CACNA2D1: variants seen among roughly 807,000 people sequenced by gnomAD.
The protein encoded by CACNA2D1 is voltage-dependent calcium channel subunit alpha-2/delta-1.
Under a neutral mutation model 171.5 loss-of-function variants are expected in CACNA2D1, and 53 were observed. The observed-to-expected ratio is 0.31, with a 90% confidence interval of 0.25 to 0.39. CACNA2D1 has a LOEUF of 0.39. CACNA2D1 is among the 10% of genes least tolerant of loss of function. The pLI, the probability that CACNA2D1 is intolerant of heterozygous loss-of-function variation, is 1.00. For synonymous variants in CACNA2D1, 442 were observed against 443.1 expected (o/e 1.00, Z 0.03); for missense variants, 903 against 1,299.8 (o/e 0.69, Z 4.69).
chr7:82,016,590 C>A, intron 12 of CACNA2D1, among the ~76,000 whole-genome samples: 3 of 134,460 alleles, frequency 2.2e-5, no homozygotes, highest in Admixed American at 7.9e-5. Context: ...TCAAATAGTC[C>A]AAATAAACAC....
chr7:82,308,642 A>G (rs1216786803), intron 3 of CACNA2D1, among the ~76,000 whole-genome samples: 1 of 152,230 alleles, frequency 6.6e-6, no homozygotes, highest in Non-Finnish European at 1.5e-5. Context: ...TTTGTAAGGG[A>G]ATCTCCCTCT....
intron 1 of CACNA2D1, among the ~76,000 whole-genome samples, chr7:82,400,370 T>C (rs1826244735): frequency 6.6e-6 from 1 of 152,036 alleles, no homozygotes; most frequent in Admixed American, 6.6e-5. Context: ...TATCCTCTTT[T>C]ATTTCCTTGA....
intron 3 of CACNA2D1, among the ~76,000 whole-genome samples, chr7:82,273,540 T>C (rs1223997055): frequency 6.6e-6 from 1 of 152,098 alleles, no homozygotes; most frequent in African/African-American, 2.4e-5. Context: ...GCTGTAGCTA[T>C]TCACAGATGT....
rs981732048 is a variant in CACNA2D1 at position 81,962,589 on chromosome 7, T to C, written c.2781-94A>G. On this transcript the variant is annotated intron_variant, in intron 34 of 38. Transcript: ENST00000356860. ...CATAAATACTGTTTCCCTTTATCTT[T>C]TTGGGAAAGAAAGTCTTGGAGTGTT... 3 of 773,558 alleles carry C rather than the reference T, an allele frequency of 3.9e-6. No homozygotes were observed. In the Admixed American group the frequency reaches 7.0e-5, roughly 18 times the overall value. 47.9% of individuals were successfully genotyped at this position (773,558 alleles called of 1,614,324 possible).
At chr7:82,053,568 A>C (rs1805470423) in intron 10 of CACNA2D1, among the ~76,000 whole-genome samples, 1 of 152,192 alleles carries the variant, frequency 6.6e-6, no homozygotes, top group Admixed American at 6.5e-5. Flanking sequence ...ATAAGTAACC[A>C]AAACTAATTA....
At chr7:82,437,179 T>C (rs991313877) in intron 1 of CACNA2D1, among the ~76,000 whole-genome samples, 1 of 152,136 alleles carries the variant, frequency 6.6e-6, no homozygotes, top group African/African-American at 2.4e-5. Flanking sequence ...AATTTTTCAT[T>C]TGATTTGATG....
At chr7:82,084,714 T>G in intron 7 of CACNA2D1, 55 bp downstream of exon 7, 2 of 1,591,104 alleles carry the variant, frequency 1.3e-6, no homozygotes, top group Non-Finnish European at 1.7e-6. Flanking sequence ...AACAGAGTAT[T>G]CTCCAGAAAC....
At chr7:82,138,426 GTTTTGTTTTTTTTGTTTTTTTTGTTT>G (rs1791939668) in intron 4 of CACNA2D1, among the ~76,000 whole-genome samples, 1 of 101,314 alleles carries the variant, frequency 9.9e-6, no homozygotes, top group African/African-American at 3.8e-5. Context: ...TATAGCATTA[GTTTTGTTTTTTTTGTTTTTTTTGTTT>G]TTTTTTTTTT....
At chr7:82,326,374 T>G (rs985660040) in intron 3 of CACNA2D1, among the ~76,000 whole-genome samples, 7 of 152,198 alleles carry the variant, frequency 4.6e-5, no homozygotes, top group African/African-American at 1.7e-4. Flanking sequence ...TGATGTTAAG[T>G]GAGAACTTAC....
intron 3 of CACNA2D1, among the ~76,000 whole-genome samples, chr7:82,288,195 C>T (rs530017747): frequency 1.3e-5 from 2 of 152,138 alleles, no homozygotes; most frequent in East Asian, 3.9e-4. Context: ...TCCTGCAATT[C>T]TCTTCTTAGC....
chr7:82,042,301 G>A (rs1278377750), intron 10 of CACNA2D1, among the ~76,000 whole-genome samples: 1 of 152,062 alleles, frequency 6.6e-6, no homozygotes, highest in Admixed American at 6.6e-5. Context: ...GGCTGAAGTG[G>A]CAGTCTTTGA....
Position 82,249,737 on chromosome 7 carries a change from GTTGTGCTGATTGGC to G in CACNA2D1, c.295-79142_295-79129del, listed in dbSNP as rs370675073. Among the ~76,000 whole-genome samples the G allele has an allele frequency of 8.5e-3, 1,291 of 152,322 alleles. 12 individuals are homozygous for G. Among genetic ancestry groups the G allele is most frequent in the African/African-American group, 0.03 (1,227 of 41,560 alleles). ...GTGATCTCTATAATCATGCACGCAT[GTTGTGCTGATTGGC>G]TTAGACAGATTTTATCTCAGTCCTG... On this transcript the variant is annotated intron_variant, in intron 3 of 38. Transcript: ENST00000356860.
chr7:81,963,659 G>A (rs1454557009), intron 34 of CACNA2D1, among the ~76,000 whole-genome samples: 1 of 151,894 alleles, frequency 6.6e-6, no homozygotes, highest in African/African-American at 2.4e-5. Context: ...ATCATGCCAT[G>A]AATTTGATGC....
chr7:82,367,379 T>C (rs1473117170), intron 1 of CACNA2D1, among the ~76,000 whole-genome samples: 1 of 152,076 alleles, frequency 6.6e-6, no homozygotes, highest in African/African-American at 2.4e-5. Flanking sequence ...CCATGCTTTC[T>C]CTCCATGCCT....
At chr7:82,396,846 T>C (rs1490651614) in intron 1 of CACNA2D1, among the ~76,000 whole-genome samples, 1 of 152,240 alleles carries the variant, frequency 6.6e-6, no homozygotes, top group African/African-American at 2.4e-5. Flanking sequence ...AAAAGTTTGC[T>C]ACCTCCTCAT....
rs778092724 is a variant in CACNA2D1, at chr7:81,961,995, G to A, written c.2865C>T (p.Ala955=). The A allele has an allele frequency of 1.9e-6, 3 of 1,612,464 alleles. No homozygotes were observed. The highest frequency in any genetic ancestry group is 4.5e-5 in the East Asian group (2 of 44,802). The part of the protein sequence containing the change: ...AVEMEDDDFT[A]SLSKQSCITE... ...TAATGCAGCTCTGCTTGGACAGGGAGGCCGTGAAGTCATCATCCTCCATCT... is the reference window on the plus strand; with the variant it reads ...TAATGCAGCTCTGCTTGGACAGGGAAGCCGTGAAGTCATCATCCTCCATCT... The change falls in exon 36 of 39, where the codon GCC becomes GCT. Residue 955 remains alanine, a synonymous_variant. Transcript: ENST00000356860.
At chr7:81,957,977 G>C (rs1414666019) in intron 38 of CACNA2D1, among the ~76,000 whole-genome samples, 1 of 152,054 alleles carries the variant, frequency 6.6e-6, no homozygotes, top group East Asian at 1.9e-4. Flanking sequence ...TCTCTAATGA[G>C]TGACATGACC....
intron 4 of CACNA2D1, among the ~76,000 whole-genome samples, chr7:82,138,449 GTT>G (rs5885271): frequency 0.028 from 2,877 of 101,406 alleles, 50 homozygotes; most frequent in African/African-American, 0.094. Flanking sequence ...TGTTTTTTTT[GTT>G]TTTTTTTTTT....
chr7:82,083,694 T>A lies in CACNA2D1; in HGVS notation c.658+1075A>T, dbSNP rs1193329517. 2.6e-5 allele frequency among the ~76,000 whole-genome samples: 4 copies of A among 152,162 alleles called. No homozygotes were observed. The East Asian group carries it at 7.7e-4, about 29-fold the overall frequency. On this transcript the variant is annotated intron_variant, in intron 7 of 38. Transcript: ENST00000356860. Reference sequence around the variant, plus strand: ...TGTGTTGGACTTATGCGGAAAAAAATTATTACTGATTTTACCATCTGGCAT... The same window carrying A: ...TGTGTTGGACTTATGCGGAAAAAAAATATTACTGATTTTACCATCTGGCAT...
Sources: allele counts gnomAD v4.1 joint callset (sites outside exome capture counted in the v4.1 genomes callset), GRCh38; gene constraint gnomAD v4.1.1; transcripts MANE v1.5; gene names NCBI Gene and HGNC (gene_info 2026-07-23, HGNC 2026-07-21).